Variants in PTPRM observed in about 807,000 individuals in gnomAD.
The protein encoded by PTPRM is receptor-type tyrosine-protein phosphatase mu.
In PTPRM, 47 loss-of-function variants were observed where a neutral mutation model predicts 186.7. That is an observed-to-expected ratio of 0.25 (90% CI 0.20 to 0.32). PTPRM has a LOEUF of 0.32. Ranked by LOEUF, PTPRM falls within the 10% of genes least tolerant of loss-of-function variation. The probability of loss-of-function intolerance (pLI) is 1.00; values close to 1 mark genes in which losing one functional copy is unlikely to be tolerated. For synonymous variants in PTPRM, 668 were observed against 674.9 expected (o/e 0.99, Z 0.16); for missense variants, 1,494 against 1,865.0 (o/e 0.80, Z 3.66).
intron 14 of PTPRM, among the ~76,000 whole-genome samples, chr18:8,214,778 C>A (rs2094056767): frequency 6.6e-6 from 1 of 152,170 alleles, no homozygotes; most frequent in African/African-American, 2.4e-5. Flanking sequence ...ATTCTCCTAC[C>A]TCAGCCTCCT....
At chr18:7,800,545 C>T (rs571788413) in intron 2 of PTPRM, among the ~76,000 whole-genome samples, 2 of 152,172 alleles carry the variant, frequency 1.3e-5, no homozygotes, top group African/African-American at 2.4e-5. Flanking sequence ...TAATTTAAGG[C>T]ACCCAGTTTG....
chr18:7,803,904 A>G (rs2044101073), intron 2 of PTPRM, among the ~76,000 whole-genome samples: 1 of 152,292 alleles, frequency 6.6e-6, no homozygotes, highest in Middle Eastern at 3.4e-3. Flanking sequence ...GTAAAGAAAA[A>G]AAAGAATGTC....
intron 1 of PTPRM, among the ~76,000 whole-genome samples, chr18:7,744,531 A>G (rs567069736): frequency 6.6e-6 from 1 of 152,304 alleles, no homozygotes; most frequent in Non-Finnish European, 1.5e-5. Context: ...TAAGATCTAT[A>G]TGATTGGCTT....
intron 9 of PTPRM, among the ~76,000 whole-genome samples, chr18:8,078,939 C>A (rs2089979839): frequency 6.6e-6 from 1 of 152,206 alleles, no homozygotes; most frequent in Non-Finnish European, 1.5e-5. Context: ...ACCCAAACAC[C>A]TCCAACATTG....
chr18:8,065,502 C>T (rs2088993459), intron 7 of PTPRM, among the ~76,000 whole-genome samples: 1 of 152,110 alleles, frequency 6.6e-6, no homozygotes, highest in Non-Finnish European at 1.5e-5. Context: ...ATAGGGAGGC[C>T]ATTCTCATCT....
At chr18:7,727,450 A>G (rs1056784237) in intron 1 of PTPRM, among the ~76,000 whole-genome samples, 2 of 152,204 alleles carry the variant, frequency 1.3e-5, no homozygotes, top group Admixed American at 6.5e-5. Context: ...TTTTAAGTGT[A>G]TATACTCAGA....
chr18:8,190,596 A>G (rs28588088), intron 14 of PTPRM, among the ~76,000 whole-genome samples: 5,323 of 152,284 alleles, frequency 0.035, 309 homozygotes, highest in African/African-American at 0.12. Flanking sequence ...ATTTTATTTA[A>G]ATATTGTATG....
At chr18:7,569,386 G>C (rs990947466) in intron 1 of PTPRM, among the ~76,000 whole-genome samples, 4 of 152,180 alleles carry the variant, frequency 2.6e-5, no homozygotes, top group Admixed American at 2.0e-4. Context: ...CTAACTGCCT[G>C]GTAATTGCAC....
At chr18:7,983,658 T>A (rs1215444205) in intron 7 of PTPRM, among the ~76,000 whole-genome samples, 1 of 152,150 alleles carries the variant, frequency 6.6e-6, no homozygotes, top group East Asian at 1.9e-4. Flanking sequence ...AAGTAACTGC[T>A]CCTAGTTCTG....
At chr18:8,167,259 C>T (rs1387168892) in intron 14 of PTPRM, among the ~76,000 whole-genome samples, 1 of 152,086 alleles carries the variant, frequency 6.6e-6, no homozygotes, top group African/African-American at 2.4e-5. Flanking sequence ...CCTGTCTTAC[C>T]CACATGCGGT....
At chr18:7,630,416 C>T (rs879577424) in intron 1 of PTPRM, among the ~76,000 whole-genome samples, 3 of 152,054 alleles carry the variant, frequency 2.0e-5, no homozygotes, top group African/African-American at 4.8e-5. Context: ...CAGCAAGAGC[C>T]GTTTAGGTGC....
intron 19 of PTPRM, among the ~76,000 whole-genome samples, chr18:8,285,117 C>G (rs376330417): frequency 1.3e-5 from 2 of 152,210 alleles, no homozygotes; most frequent in East Asian, 3.9e-4. Flanking sequence ...AAGTTCTACA[C>G]ATTCTACTAA....
chr18:8,366,830 T>C (rs894714741), intron 23 of PTPRM: 2 of 152,238 alleles, frequency 1.3e-5, no homozygotes, highest in Non-Finnish European at 2.9e-5. Flanking sequence ...TGGACCTTGC[T>C]TTCTGGGCTG....
intron 7 of PTPRM, among the ~76,000 whole-genome samples, chr18:7,984,632 C>A (rs1319905019): frequency 1.6e-5 from 2 of 127,540 alleles, no homozygotes; most frequent in African/African-American, 6.0e-5. Context: ...CACACACAAA[C>A]CCCCATATAT....
chr18:8,307,224 A>T (rs369168253), intron 20 of PTPRM, among the ~76,000 whole-genome samples: 2 of 152,176 alleles, frequency 1.3e-5, no homozygotes, highest in South Asian at 4.2e-4. Flanking sequence ...ATACTTACCT[A>T]TTTCTTGTAT....
At position 7,949,169 on chromosome 18, in the gene PTPRM, C is replaced by G. The variant is rs1236849167; in HGVS notation, c.664-12C>G. 1.3e-6 allele frequency: 2 copies of G among 1,585,044 alleles called. No individual in the cohort carries two copies. The highest frequency in any genetic ancestry group is 1.7e-6 in the Non-Finnish European group (2 of 1,156,048). The stretch of plus-strand genomic sequence containing the variant: ...TTGCTTCTTTTTGTCCTCCCCACCC[C>G]ACTTGATACAGGGCATTGATGTGCG... On this transcript the variant is annotated splice_polypyrimidine_tract_variant and intron_variant, in intron 5 of 32. Transcript: ENST00000580170.
intron 2 of PTPRM, among the ~76,000 whole-genome samples, chr18:7,850,624 C>T (rs2046814750): frequency 6.6e-6 from 1 of 152,134 alleles, no homozygotes. Flanking sequence ...AAGGGTTTCA[C>T]TGTAGGAATA....
intron 7 of PTPRM, among the ~76,000 whole-genome samples, chr18:7,972,870 T>G (rs1281287822): frequency 6.6e-6 from 1 of 152,170 alleles, no homozygotes; most frequent in Non-Finnish European, 1.5e-5. Context: ...AACATCTCTA[T>G]GTAAGCTCAT....
At chr18:7,647,036 C>T (rs188583096) in intron 1 of PTPRM, among the ~76,000 whole-genome samples, 1 of 152,168 alleles carries the variant, frequency 6.6e-6, no homozygotes, top group Non-Finnish European at 1.5e-5. Context: ...GAGGCCACCA[C>T]AGGCCCTGTT....
Sources: allele counts gnomAD v4.1 joint callset (sites outside exome capture counted in the v4.1 genomes callset), GRCh38; gene constraint gnomAD v4.1.1; transcripts MANE v1.5; gene names NCBI Gene and HGNC (gene_info 2026-07-23, HGNC 2026-07-21).